The following NLGN4X variants were observed in gnomAD, a reference collection of about 807,000 sequenced individuals.
NLGN4X encodes the protein neuroligin 4 X-linked, also known as neuroligin-4, X-linked.
NLGN4X carries 3 observed loss-of-function variants against 40.3 expected under a neutral mutation model. The observed-to-expected ratio is 0.07, with a 90% CI of 0.03 to 0.19. The LOEUF (loss-of-function observed/expected upper bound fraction) is 0.19. NLGN4X is among the 10% of genes least tolerant of loss of function. The pLI, the probability that NLGN4X is intolerant of heterozygous loss-of-function variation, is 1.00. For synonymous variants in NLGN4X, 270 were observed against 306.8 expected, an observed-to-expected ratio of 0.88 and a Z score of 1.25; for missense variants, 382 against 708.3, an observed-to-expected ratio of 0.54 and a Z score of 5.23.
At chrX:5,975,612 C>CAA (rs60917858) in intron 3 of NLGN4X, among the ~76,000 whole-genome samples, 55 of 53,854 alleles carry the variant, frequency 1.0e-3, no homozygotes, top group East Asian at 2.9e-3. Flanking sequence ...GACTCCGTTT[C>CAA]AAAAAAAAAA....
intron 3 of NLGN4X, among the ~76,000 whole-genome samples, chrX:5,974,743 A>G (rs1359891156): frequency 5.4e-5 from 6 of 112,006 alleles, no homozygotes; most frequent in South Asian, 3.7e-4. Flanking sequence ...ATAGTACTGA[A>G]CCTTATATGT....
intron 1 of NLGN4X, among the ~76,000 whole-genome samples, chrX:6,212,025 C>T (rs1356843691): frequency 9.0e-6 from 1 of 110,840 alleles, no homozygotes; most frequent in African/African-American, 3.3e-5. Context: ...GTGGGCGGCT[C>T]ATCTGAGGTC....
intron 2 of NLGN4X, among the ~76,000 whole-genome samples, chrX:6,055,406 G>A (rs2037597514): frequency 8.9e-6 from 1 of 111,886 alleles, no homozygotes; most frequent in Non-Finnish European, 1.9e-5. Context: ...GAGGCAGGAG[G>A]ATCACTTGAG....
chrX:5,899,557 T>C (rs112498792), intron 5 of NLGN4X, among the ~76,000 whole-genome samples: 2,714 of 111,650 alleles, frequency 0.024, 34 homozygotes, highest in Non-Finnish European at 0.04. Flanking sequence ...AGAGAGATCA[T>C]TGTGGTATTC....
chrX:5,901,692 CAT>C (rs1379329478), intron 5 of NLGN4X, among the ~76,000 whole-genome samples: 3 of 109,768 alleles, frequency 2.7e-5, no homozygotes, highest in Non-Finnish European at 5.7e-5. Flanking sequence ...GTATGCATGA[CAT>C]ATAGCAATAT....
intron 3 of NLGN4X, among the ~76,000 whole-genome samples, chrX:5,915,698 C>T (rs1423974976): frequency 8.9e-6 from 1 of 111,739 alleles, no homozygotes; most frequent in African/African-American, 3.3e-5. Flanking sequence ...CGCCACCACA[C>T]CCAGCTGATT....
intron 2 of NLGN4X, among the ~76,000 whole-genome samples, chrX:6,109,079 C>T (rs930443512): frequency 9.0e-6 from 1 of 111,601 alleles, no homozygotes; most frequent in African/African-American, 3.3e-5. Context: ...CTGGGCAATA[C>T]ACTGAGATGC....
At position 5,890,739 on chromosome X, in the gene NLGN4X, A is replaced by C. The variant is rs1483070245; in HGVS notation, c.*2078T>G. On this transcript the variant is annotated 3_prime_UTR_variant, in exon 6 of 6. Transcript: ENST00000381095. ...TTCACGTGTGCTAAGTTGAGATAAT[A>C]ATATTTCACATATTTATATACAGAG... 2 of 303,482 alleles carry C rather than the reference A, an allele frequency of 6.6e-6. No homozygotes were observed. The highest frequency in any genetic ancestry group is 5.4e-5 in the African/African-American group (2 of 36,821). The allele number at this position is 303,482 out of a possible 1,213,427, so 25.0% of individuals were successfully genotyped here. A position where few individuals can be genotyped will look rare whatever the true frequency, so the allele number is the denominator to read the frequency against.
At chrX:6,126,881 C>G (rs781074221) in intron 2 of NLGN4X, among the ~76,000 whole-genome samples, 1 of 112,320 alleles carries the variant, frequency 8.9e-6, no homozygotes, top group African/African-American at 3.2e-5. Context: ...TTGAGTCATA[C>G]TTTAATCTTG....
chrX:5,981,986 T>C (rs1316109386), intron 3 of NLGN4X, among the ~76,000 whole-genome samples: 1 of 111,723 alleles, frequency 9.0e-6, no homozygotes, highest in African/African-American at 3.2e-5. Flanking sequence ...ATTAAAAAAA[T>C]TAAATCCCTA....
chrX:6,024,403 A>G (rs972945302), intron 3 of NLGN4X, among the ~76,000 whole-genome samples: 8 of 111,059 alleles, frequency 7.2e-5, no homozygotes, highest in Admixed American at 1.9e-4. Context: ...TCTTGAATAT[A>G]TATGTCAGAG....
At chrX:5,953,928 G>C (rs1245968163) in intron 3 of NLGN4X, among the ~76,000 whole-genome samples, 1 of 111,496 alleles carries the variant, frequency 9.0e-6, no homozygotes, top group Non-Finnish European at 1.9e-5. Context: ...GAATTTGAAT[G>C]AAAGTGCAGA....
rs190377671 is a variant in NLGN4X at position 6,077,169 on chromosome X, G to A, written c.473-47737C>T. Among the ~76,000 whole-genome samples the A allele has an allele frequency of 1.9e-3, 212 of 111,748 alleles. 1 individual carries two copies. Among genetic ancestry groups the A allele is most frequent in the African/African-American group, 6.2e-3 (191 of 30,788 alleles). On this transcript the variant is annotated intron_variant, in intron 2 of 5. Transcript: ENST00000381095. ...TTATGTTCAAATTTTGGTAACTAAT[G>A]CACAGAGAGAAATTTATACTATGTG...
intron 2 of NLGN4X, among the ~76,000 whole-genome samples, chrX:6,142,387 A>G (rs1183526044): frequency 8.9e-6 from 1 of 112,425 alleles, no homozygotes; most frequent in East Asian, 2.8e-4. Flanking sequence ...ACTCCAGTTT[A>G]ACTGTGCTTA....
intron 3 of NLGN4X, among the ~76,000 whole-genome samples, chrX:5,996,908 CT>C (rs1420342144): frequency 9.0e-6 from 1 of 111,424 alleles, no homozygotes; most frequent in Non-Finnish European, 1.9e-5. Flanking sequence ...TATCCTCATC[CT>C]TTTTTAAAAA....
In NLGN4X at chrX:6,054,422, C is replaced by T. The variant is rs1055666735; in HGVS notation, c.473-24990G>A. ...ATGAGGCCAGGAGTTCAAGACCAGA[C>T]TGGGCAGCAGAGCGAGACCCTGTTT... On this transcript the variant is annotated intron_variant, in intron 2 of 5. Coordinates refer to ENST00000381095, the MANE Select transcript of NLGN4X (RefSeq NM_181332.3). Among the ~76,000 whole-genome samples the T allele has an allele frequency of 7.2e-5, 8 of 110,597 alleles. No individual in the cohort carries two copies. The South Asian group carries it at 2.7e-3, about 37-fold the overall frequency.
At chrX:6,095,102 CGTGTGTGTGTGTGTGTGTGTGTGT>C (rs56285921) in intron 2 of NLGN4X, among the ~76,000 whole-genome samples, 15 of 88,342 alleles carry the variant, frequency 1.7e-4, no homozygotes, top group African/African-American at 4.6e-4. Context: ...TACGTGCGTG[CGTGTGTGTGTGTGTGTGTGTGTGT>C]GTGTGTGTGT....
chrX:6,117,434 T>C (rs753415109), intron 2 of NLGN4X, among the ~76,000 whole-genome samples: 1 of 110,636 alleles, frequency 9.0e-6, no homozygotes, highest in Non-Finnish European at 1.9e-5. Flanking sequence ...CATCTCCTAG[T>C]TAACTCTTCT....
intron 3 of NLGN4X, among the ~76,000 whole-genome samples, chrX:5,964,017 G>A (rs1256782841): frequency 8.9e-6 from 1 of 112,121 alleles, no homozygotes; most frequent in African/African-American, 3.2e-5. Context: ...CAAAGTGTAT[G>A]AGAGTTAAGA....
Sources: gnomAD v4.1 joint callset for allele counts (sites outside exome capture counted in the v4.1 genomes callset) on GRCh38, gnomAD v4.1.1 for gene constraint, MANE v1.5 for transcripts, NCBI Gene and HGNC (gene_info 2026-07-23, HGNC 2026-07-21) for gene names.